The following COL13A1 variants were observed in gnomAD, a reference collection of about 807,000 sequenced individuals.
The protein encoded by COL13A1 is collagen type XIII alpha 1 chain.
Under a neutral mutation model 130.9 loss-of-function variants are expected in COL13A1, and 89 were observed. The ratio of observed to expected loss-of-function variants is 0.68; its 90% CI spans 0.57 to 0.81. The LOEUF is 0.81. Among genes scored for constraint, COL13A1 ranks in the 30% least tolerant of loss-of-function variants. The pLI is 0.00. For missense variants in COL13A1, 879 were observed against 934.6 expected, an observed-to-expected ratio of 0.94 and a Z score of 0.78; for synonymous variants, 402 against 341.6, an observed-to-expected ratio of 1.18 and a Z score of -1.95.
At chr10:69,930,606 G>A (rs1234667550) in intron 30 of COL13A1, 54 bp downstream of exon 30, 24 of 1,568,342 alleles carry the variant, frequency 1.5e-5, no homozygotes, top group Admixed American at 7.5e-5. Flanking sequence ...CAAGCATGAC[G>A]CCAGCTTTGC....
In COL13A1 at chr10:69,904,875, C is replaced by CCAACCAG; in HGVS notation, c.859-56_859-50dup. ...GGGTCTACTGTAAGTATGGCTAGCCCCAACCAGCTCTACTCACCTTTTCTT... is the reference window on the plus strand; with the variant it reads ...GGGTCTACTGTAAGTATGGCTAGCCCCAACCAGCAACCAGCTCTACTCACCTTTTCTT... On this transcript the variant is annotated intron_variant, in intron 15 of 40. Transcript: ENST00000645393. 2.0e-6 allele frequency: 3 copies of CCAACCAG among 1,532,416 alleles called. No individual in the cohort carries two copies. In the South Asian group the frequency reaches 3.6e-5, roughly 19 times the overall value. The allele number at this position is 1,532,416 out of a possible 1,614,324, so 94.9% of individuals were successfully genotyped here. A position where few individuals can be genotyped will look rare whatever the true frequency, so the allele number is the denominator to read the frequency against.
chr10:69,905,139 G>A (rs185874081), intron 16 of COL13A1, among the ~76,000 whole-genome samples, 180 bp downstream of exon 16: 1 of 152,266 alleles, frequency 6.6e-6, no homozygotes, highest in East Asian at 1.9e-4. Flanking sequence ...ATTCCAACAA[G>A]AATTGCACTT....
At chr10:69,936,659 C>A in intron 32 of COL13A1, 97 bp from the exon 33 acceptor site, 1 of 1,490,292 alleles carries the variant, frequency 6.7e-7, no homozygotes. Context: ...ATACTCTGCA[C>A]CCAAAACCCT....
At chr10:69,917,408 TG>T in intron 18 of COL13A1, 75 bp downstream of exon 18, 1 of 1,355,608 alleles carries the variant, frequency 7.4e-7, no homozygotes, top group Non-Finnish European at 1.0e-6. Flanking sequence ...TCCTCAGCTC[TG>T]GGGACACTCT....
At position 69,930,046 on chromosome 10, in the gene COL13A1, G is replaced by C; in HGVS notation, c.1489G>C (p.Glu497Gln). The part of the protein sequence containing the change: ...GAPGIPGQKG[E>Q]IGLPGPPGHD... ...CCTTTAGTTGTTCCGGTTACAGGGG[G>C]AGATTGGACTGCCAGGCCCTCCAGG... Residue 497 changes from glutamate to glutamine, a missense_variant, in exon 29 of 41, where the codon GAG (glutamate) becomes CAG (glutamine). This residue lies in a region of COL13A1 where 715 missense variants were observed against 721.0 expected (regional missense o/e 0.99). Transcript: ENST00000645393. 11 of 1,613,982 alleles carry C rather than the reference G, an allele frequency of 6.8e-6. No homozygotes were observed. The highest frequency in any genetic ancestry group is 9.3e-6 in the Non-Finnish European group (11 of 1,179,838).
At chr10:69,933,150 A>C (rs1443038083) in intron 31 of COL13A1, among the ~76,000 whole-genome samples, 5 of 141,894 alleles carry the variant, frequency 3.5e-5, no homozygotes, top group South Asian at 2.2e-4. Flanking sequence ...AAAAAAAAAA[A>C]AAAAAAAAAA....
intron 17 of COL13A1, among the ~76,000 whole-genome samples, chr10:69,915,318 C>A (rs1288913607): frequency 1.3e-5 from 2 of 152,332 alleles, no homozygotes; most frequent in Admixed American, 6.5e-5. Context: ...GTGTCTAGAG[C>A]AAGCCTTGGG....
intron 5 of COL13A1, among the ~76,000 whole-genome samples, chr10:69,876,444 T>A (rs2059577355): frequency 1.3e-5 from 2 of 152,186 alleles, no homozygotes; most frequent in Admixed American, 1.3e-4. Context: ...AAGTGTTCCA[T>A]GTCACAGAGC....
intron 39 of COL13A1, 192 bp from the exon 40 acceptor site, chr10:69,956,812 G>A (rs2070796508): frequency 3.4e-6 from 2 of 591,028 alleles, no homozygotes; most frequent in Admixed American, 2.7e-5. Context: ...TTAACCAATG[G>A]TAAAATAGCC....
intron 38 of COL13A1, among the ~76,000 whole-genome samples, chr10:69,949,930 T>TTGTGTGTGTGTGTGTGCATGTGTTTG (rs2069143728): frequency 1.2e-5 from 1 of 86,864 alleles, no homozygotes; most frequent in African/African-American, 4.4e-5. Context: ...GCACGCATGT[T>TTGTGTGTGTGTGTGTGCATGTGTTTG]TGTGTGTGTG....
At chr10:69,860,285 G>C (rs1360615393) in intron 2 of COL13A1, among the ~76,000 whole-genome samples, 1 of 152,186 alleles carries the variant, frequency 6.6e-6, no homozygotes, top group Non-Finnish European at 1.5e-5. Context: ...TCAAGGTCAG[G>C]GACAGCGGGT....
intron 14 of COL13A1, among the ~76,000 whole-genome samples, chr10:69,899,690 G>A (rs900717845): frequency 3.9e-5 from 6 of 152,252 alleles, no homozygotes; most frequent in Non-Finnish European, 8.8e-5. Flanking sequence ...GATAGGAGCA[G>A]ATCACAAAGA....
At chr10:69,824,660 G>A (rs1847046908) in intron 2 of COL13A1, among the ~76,000 whole-genome samples, 1 of 152,172 alleles carries the variant, frequency 6.6e-6, no homozygotes, top group African/African-American at 2.4e-5. Context: ...AGAAGAAAGG[G>A]CTTGACCTTG....
At chr10:69,887,963 A>G (rs2060764806) in intron 8 of COL13A1, among the ~76,000 whole-genome samples, 2 of 152,126 alleles carry the variant, frequency 1.3e-5, no homozygotes, top group Admixed American at 1.3e-4. Flanking sequence ...CCTTTCTCCC[A>G]ACCTCAATGC....
At position 69,822,235 on chromosome 10, in the gene COL13A1, C is replaced by A. The variant is rs1336753112; in HGVS notation, c.295-134C>A. The A allele has an allele frequency of 1.9e-5, 11 of 589,330 alleles. No homozygotes were observed. The East Asian group carries it at 3.6e-4, about 19-fold the overall frequency. The allele number at this position is 589,330 out of a possible 1,614,324, so 36.5% of individuals were successfully genotyped here. On this transcript the variant is annotated intron_variant, in intron 1 of 40. Coordinates refer to ENST00000645393, the MANE Select transcript of COL13A1 (RefSeq NM_001368882.1). ...CCGGTGGCCAGTGGAAGGCCATTAA[C>A]TGCCTGTCTTTGATCCAGGAAGAGT...
rs757550207 is a variant in COL13A1 at position 69,898,780 on chromosome 10, G to T, written c.750+18G>T. 11 of 1,604,600 alleles carry T rather than the reference G, an allele frequency of 6.9e-6. No individual in the cohort carries two copies. In the Admixed American group the frequency reaches 1.7e-4, roughly 25 times the overall value. The stretch of plus-strand genomic sequence containing the variant: ...CGTTCCAGGTAGACACCTCCCGTTT[G>T]TCCAGACCATGTGTGGTTTCCCAAG... On this transcript the variant is annotated intron_variant, in intron 14 of 40. Transcript: ENST00000645393.
At position 69,806,496 on chromosome 10, in the gene COL13A1, G is replaced by C. The variant is rs528929922; in HGVS notation, c.294+3779G>C. Among the ~76,000 whole-genome samples the C allele has an allele frequency of 2.6e-5, 4 of 152,320 alleles. No homozygotes were observed. In the South Asian group the frequency reaches 6.2e-4, roughly 24 times the overall value. ...AGGATGGCGGGAGCCAGCTCTGTGGGGAACCAGGAGTGTGCTTTCCAGACC... is the reference window on the plus strand; with the variant it reads ...AGGATGGCGGGAGCCAGCTCTGTGGCGAACCAGGAGTGTGCTTTCCAGACC... On this transcript the variant is annotated intron_variant, in intron 1 of 40. Transcript: ENST00000645393.
chr10:69,875,260 C>T, intron 5 of COL13A1, 97 bp downstream of exon 5: 1 of 1,474,714 alleles, frequency 6.8e-7, no homozygotes, highest in African/African-American at 1.4e-5. Flanking sequence ...CTATCCCAGG[C>T]CCAAGGAGGG....
intron 2 of COL13A1, among the ~76,000 whole-genome samples, chr10:69,833,137 G>A (rs527641566): frequency 6.6e-6 from 1 of 152,304 alleles, no homozygotes; most frequent in East Asian, 1.9e-4. Flanking sequence ...CCAGCTCCCA[G>A]GGGCGTCATT....
Sources: allele counts gnomAD v4.1 joint callset (sites outside exome capture counted in the v4.1 genomes callset), GRCh38; gene constraint gnomAD v4.1.1; regional missense constraint gnomAD v4.1.1; transcripts MANE v1.5; gene names NCBI Gene and HGNC (gene_info 2026-07-23, HGNC 2026-07-21).